Variants in ABCD2 observed in about 807,000 individuals in gnomAD.
The protein encoded by ABCD2 is ATP-binding cassette sub-family D member 2.
A neutral mutation model predicts 70.9 loss-of-function variants in ABCD2; 36 were observed. The observed-to-expected ratio is 0.51, with a 90% CI of 0.39 to 0.67. The LOEUF (loss-of-function observed/expected upper bound fraction) is 0.67, where lower values mean the gene tolerates loss of function less well. Ranked by LOEUF, ABCD2 falls within the 30% of genes least tolerant of loss-of-function variation. ABCD2 has a pLI of 0.00. For synonymous variants in ABCD2, 304 were observed against 306.9 expected (o/e 0.99, Z 0.10); for missense variants, 729 against 890.2 (o/e 0.82, Z 2.30).
chr12:39,579,700 G>C, intron 7 of ABCD2, 81 bp from the exon 8 acceptor site: 1 of 1,099,860 alleles, frequency 9.1e-7, no homozygotes, highest in Non-Finnish European at 1.3e-6. Flanking sequence ...AGTGATTCCT[G>C]ACAAATTCAA....
chr12:39,571,575 A>C (rs1395316740), intron 9 of ABCD2, among the ~76,000 whole-genome samples: 1 of 152,142 alleles, frequency 6.6e-6, no homozygotes, highest in Non-Finnish European at 1.5e-5. Flanking sequence ...TGGTCTTACA[A>C]CATTATTTGA....
rs1180340388 is a variant in ABCD2 at position 39,591,159 on chromosome 12, A to C, written c.1647-4862T>G. Among the ~76,000 whole-genome samples the C allele has an allele frequency of 2.6e-5, 4 of 152,332 alleles. No individual in the cohort carries two copies. The East Asian group carries it at 7.7e-4, about 29-fold the overall frequency. On this transcript the variant is annotated intron_variant, in intron 6 of 9. Coordinates refer to ENST00000308666, the MANE Select transcript of ABCD2 (RefSeq NM_005164.4). ...AAGTTAACAATCTGAAAGGCATAAA[A>C]TTTAACTATCAATAATTCACATAAC...
rs142632825 is a variant in ABCD2, at chr12:39,612,335, A to T, written c.1121-4621T>A. ...AACTGGATACAATCTAATGTCTGCT[A>T]ACAACAGAATGGTTAAATAAAATGG... is the stretch of plus-strand genomic sequence containing the variant. On this transcript the variant is annotated intron_variant, in intron 2 of 9. Transcript: ENST00000308666. Among the ~76,000 whole-genome samples the T allele has an allele frequency of 3.1e-3, 474 of 152,328 alleles. 2 individuals carry two copies. Among genetic ancestry groups the T allele is most frequent in the African/African-American group, 0.01 (433 of 41,580 alleles).
Position 39,579,668 on chromosome 12 carries a change from G to C in ABCD2, c.1793-49C>G, listed in dbSNP as rs780244265. 2.8e-6 allele frequency: 4 copies of C among 1,427,566 alleles called. No individual in the cohort carries two copies. The East Asian group carries it at 9.6e-5, about 34-fold the overall frequency. 88.4% of individuals were successfully genotyped at this position (1,427,566 alleles called of 1,614,324 possible). A position where few individuals can be genotyped will look rare whatever the true frequency, so the allele number is the denominator to read the frequency against. On this transcript the variant is annotated intron_variant, in intron 7 of 9. Coordinates refer to ENST00000308666, the MANE Select transcript of ABCD2 (RefSeq NM_005164.4). ...ATTTTTATAAATCATTTGTTTAATTGTTACTATTTCTACCCTAGACAAGTG... is the reference window on the plus strand; with the variant it reads ...ATTTTTATAAATCATTTGTTTAATTCTTACTATTTCTACCCTAGACAAGTG...
chr12:39,553,807 G>T lies in ABCD2; in HGVS notation c.*105C>A. 1 of 803,396 alleles carries T rather than the reference G, an allele frequency of 1.2e-6. No individual in the cohort carries two copies. The highest frequency in any genetic ancestry group is 1.9e-6 in the Non-Finnish European group (1 of 523,528). 49.8% of individuals were successfully genotyped at this position (803,396 alleles called of 1,614,324 possible). A position where few individuals can be genotyped will look rare whatever the true frequency, so the allele number is the denominator to read the frequency against. ...GCTAAAATCTTATAAAACATGTCTT[G>T]CTGCCTTTTTTTCTCTGTGCTTAGC... On this transcript the variant is annotated 3_prime_UTR_variant, in exon 10 of 10. Coordinates refer to ENST00000308666, the MANE Select transcript of ABCD2 (RefSeq NM_005164.4).
chr12:39,573,220 G>A (rs1941472212), intron 9 of ABCD2, among the ~76,000 whole-genome samples: 2 of 152,022 alleles, frequency 1.3e-5, no homozygotes, highest in South Asian at 4.1e-4. Flanking sequence ...ATGGTTTTAT[G>A]AGATATTAGT....
the ABCD2 span, among the ~76,000 whole-genome samples, chr12:39,543,402 C>A: frequency 3.9e-5 from 6 of 152,058 alleles, no homozygotes; most frequent in Non-Finnish European, 7.4e-5. Context: ...CTTTCATTTC[C>A]TTATCTTTCT....
At chr12:39,555,637 A>G (rs772432919) in intron 9 of ABCD2, among the ~76,000 whole-genome samples, 1 of 152,176 alleles carries the variant, frequency 6.6e-6, no homozygotes, top group Non-Finnish European at 1.5e-5. Flanking sequence ...AAGAGTTTGC[A>G]TTGGAACACA....
chr12:39,602,171 T>A (rs924945094), intron 5 of ABCD2, among the ~76,000 whole-genome samples: 11 of 134,574 alleles, frequency 8.2e-5, no homozygotes, highest in South Asian at 5.0e-4. Flanking sequence ...TTATTTATTT[T>A]TTATACTGAG....
chr12:39,554,192 A>C, intron 9 of ABCD2, 61 bp from the exon 10 acceptor site: 1 of 1,499,728 alleles, frequency 6.7e-7, no homozygotes, highest in South Asian at 1.3e-5. Flanking sequence ...TTTTAGTTGT[A>C]GGTTTATCAT....
chr12:39,569,758 C>T (rs1300385312), intron 9 of ABCD2, among the ~76,000 whole-genome samples: 1 of 152,108 alleles, frequency 6.6e-6, no homozygotes, highest in Non-Finnish European at 1.5e-5. Context: ...CTATTCAGCC[C>T]TCTTGGCTCC....
At chr12:39,617,877 C>G (rs1942138213) in intron 1 of ABCD2, among the ~76,000 whole-genome samples, 1 of 152,088 alleles carries the variant, frequency 6.6e-6, no homozygotes, top group African/African-American at 2.4e-5. Flanking sequence ...AAATTTCTGT[C>G]ATTTCATATT....
At chr12:39,559,337 A>T (rs780079852) in intron 9 of ABCD2, among the ~76,000 whole-genome samples, 4 of 142,296 alleles carry the variant, frequency 2.8e-5, no homozygotes, top group Non-Finnish European at 6.0e-5. Flanking sequence ...AGATCACACC[A>T]TTGCACTCCA....
intron 9 of ABCD2, among the ~76,000 whole-genome samples, chr12:39,565,451 A>G (rs1294886973): frequency 6.6e-6 from 1 of 152,126 alleles, no homozygotes; most frequent in Non-Finnish European, 1.5e-5. Context: ...GGTGTATAAG[A>G]ATGCTTGTGA....
chr12:39,554,216 C>G, intron 9 of ABCD2, 85 bp from the exon 10 acceptor site: 1 of 1,328,308 alleles, frequency 7.5e-7, no homozygotes, highest in Non-Finnish European at 1.0e-6. Context: ...AATTGATACC[C>G]AAAGGCAAAT....
At chr12:39,573,336 C>G (rs1462333007) in intron 9 of ABCD2, among the ~76,000 whole-genome samples, 1 of 152,062 alleles carries the variant, frequency 6.6e-6, no homozygotes, top group East Asian at 1.9e-4. Context: ...GGGGGAGTAT[C>G]AAGTTGTGTG....
intron 2 of ABCD2, among the ~76,000 whole-genome samples, chr12:39,610,387 T>C (rs1942029309): frequency 6.6e-6 from 1 of 152,102 alleles, no homozygotes; most frequent in Non-Finnish European, 1.5e-5. Flanking sequence ...TGAGCATTGG[T>C]ATGAGGGAGA....
chr12:39,578,170 A>G (rs1289107926), intron 8 of ABCD2, among the ~76,000 whole-genome samples: 1 of 152,168 alleles, frequency 6.6e-6, no homozygotes, highest in Non-Finnish European at 1.5e-5. Flanking sequence ...CTTTTTGCCC[A>G]AGACTTAATT....
chr12:39,534,905 AAAGAAAGAAAGAAAGAAAGAAAGAAAG>A, the ABCD2 span, among the ~76,000 whole-genome samples: 1 of 87,258 alleles, frequency 1.1e-5, no homozygotes, highest in Non-Finnish European at 2.1e-5. Flanking sequence ...AGAAAGAAAG[AAAGAAAGAAAGAAAGAAAGAAAGAAAG>A]AAAGAAAGAA....
Sources: gnomAD v4.1 joint callset for allele counts (sites outside exome capture counted in the v4.1 genomes callset) on GRCh38, gnomAD v4.1.1 for gene constraint, MANE v1.5 for transcripts, NCBI Gene and HGNC (gene_info 2026-07-23, HGNC 2026-07-21) for gene names.